TMEM132D: variants seen among roughly 807,000 people sequenced by gnomAD.
The protein encoded by TMEM132D is transmembrane protein 132D.
A neutral mutation model predicts 62.3 loss-of-function variants in TMEM132D; 21 were observed. The ratio of observed to expected loss-of-function variants is 0.34; its 90% CI spans 0.24 to 0.49. The LOEUF is 0.49. Ranked by LOEUF, TMEM132D falls within the 20% of genes least tolerant of loss-of-function variation. TMEM132D has a pLI of 0.99. For synonymous variants in TMEM132D, 621 were observed against 575.6 expected (o/e 1.08, Z -1.13); for missense variants, 1,346 against 1,402.8 (o/e 0.96, Z 0.65).
intron 5 of TMEM132D, among the ~76,000 whole-genome samples, chr12:129,207,387 C>A (rs928218877): frequency 1.3e-5 from 2 of 151,692 alleles, no homozygotes; most frequent in African/African-American, 4.9e-5. Context: ...TATAGTGTAT[C>A]TGTGAATACA....
intron 5 of TMEM132D, among the ~76,000 whole-genome samples, chr12:129,172,709 G>A (rs1221553200): frequency 6.6e-6 from 1 of 152,166 alleles, no homozygotes; most frequent in African/African-American, 2.4e-5. Context: ...CTCCTGAGTA[G>A]CTGGGATTAC....
intron 3 of TMEM132D, among the ~76,000 whole-genome samples, chr12:129,455,828 A>G (rs2135729291): frequency 6.6e-6 from 1 of 152,362 alleles, no homozygotes; most frequent in East Asian, 1.9e-4. Context: ...TCTAATAAAA[A>G]GGAGGTTAAA....
chr12:129,391,047 T>A (rs912255891), intron 3 of TMEM132D, among the ~76,000 whole-genome samples: 1 of 152,236 alleles, frequency 6.6e-6, no homozygotes, highest in African/African-American at 2.4e-5. Flanking sequence ...TTCATTCTTA[T>A]AACTATTGAA....
intron 2 of TMEM132D, among the ~76,000 whole-genome samples, chr12:129,656,064 A>G (rs1031843522): frequency 2.0e-5 from 3 of 152,218 alleles, no homozygotes; most frequent in Non-Finnish European, 4.4e-5. Flanking sequence ...TTCCCATTCT[A>G]TAATTAGAGT....
intron 4 of TMEM132D, among the ~76,000 whole-genome samples, chr12:129,229,549 T>C (rs927071639): frequency 1.3e-5 from 2 of 152,118 alleles, no homozygotes; most frequent in African/African-American, 4.8e-5. Context: ...TACAGAAAAA[T>C]GCATGTCAAA....
intron 5 of TMEM132D, among the ~76,000 whole-genome samples, chr12:129,131,676 C>T (rs1051308038): frequency 6.6e-6 from 1 of 152,046 alleles, no homozygotes; most frequent in African/African-American, 2.4e-5. Flanking sequence ...ATCCAGCATG[C>T]TCAAGATTGT....
chr12:129,136,751 C>CA (rs1231096883), intron 5 of TMEM132D, among the ~76,000 whole-genome samples: 1 of 137,292 alleles, frequency 7.3e-6, no homozygotes, highest in African/African-American at 2.7e-5. Context: ...TCATCACCAC[C>CA]TCCACCATCA....
rs61141755 is a variant in TMEM132D at position 129,899,304 on chromosome 12, C to CATGGATGG, written c.79+3949_79+3956dup. 1.3e-3 allele frequency among the ~76,000 whole-genome samples: 163 copies of CATGGATGG among 125,274 alleles called. 1 individual carries two copies. Among genetic ancestry groups the CATGGATGG allele is most frequent in the Non-Finnish European group, 1.5e-3 (91 of 61,016 alleles). The allele number at this position is 125,274 out of a possible 152,430, so 82.2% of individuals were successfully genotyped here. ...GCATGGATGGATGGATGGATGCATG[C>CATGGATGG]ATGGATGGATGGATGGATGGATGGA... On this transcript the variant is annotated intron_variant, in intron 1 of 8. Coordinates refer to ENST00000422113, the MANE Select transcript of TMEM132D (RefSeq NM_133448.3).
chr12:129,781,007 G>A (rs941865847), intron 1 of TMEM132D, among the ~76,000 whole-genome samples: 7 of 152,170 alleles, frequency 4.6e-5, no homozygotes, highest in African/African-American at 1.4e-4. Context: ...CCTGCTGGGG[G>A]GTGACAGCAG....
At chr12:129,106,763 C>T (rs1366319141) in intron 5 of TMEM132D, among the ~76,000 whole-genome samples, 1 of 152,144 alleles carries the variant, frequency 6.6e-6, no homozygotes, top group East Asian at 1.9e-4. Context: ...TGGGTGTCAC[C>T]TCTGATTGGA....
intron 2 of TMEM132D, among the ~76,000 whole-genome samples, chr12:129,535,316 A>G (rs1876350652): frequency 6.6e-6 from 1 of 152,202 alleles, no homozygotes; most frequent in South Asian, 2.1e-4. Flanking sequence ...CCTGACTGCA[A>G]GAGCAGCGAG....
intron 1 of TMEM132D, among the ~76,000 whole-genome samples, chr12:129,778,950 G>C (rs1386026230): frequency 6.6e-6 from 1 of 152,182 alleles, no homozygotes; most frequent in African/African-American, 2.4e-5. Flanking sequence ...GAGCAAAACG[G>C]AACAGCAGCT....
chr12:129,486,419 G>A (rs554262139), intron 3 of TMEM132D, among the ~76,000 whole-genome samples: 42 of 152,168 alleles, frequency 2.8e-4, no homozygotes, highest in South Asian at 1.5e-3. Flanking sequence ...TACATGTCAC[G>A]GGTGGGCCTG....
intron 4 of TMEM132D, among the ~76,000 whole-genome samples, chr12:129,232,301 C>G (rs1298022637): frequency 2.0e-5 from 3 of 152,136 alleles, no homozygotes; most frequent in South Asian, 4.1e-4. Flanking sequence ...AGACATGGTT[C>G]AAGACATGTG....
At chr12:129,823,734 A>G (rs968316125) in intron 1 of TMEM132D, among the ~76,000 whole-genome samples, 6 of 152,238 alleles carry the variant, frequency 3.9e-5, no homozygotes, top group African/African-American at 1.4e-4. Flanking sequence ...TTGCGGCTCT[A>G]TCACTTGCTA....
intron 1 of TMEM132D, among the ~76,000 whole-genome samples, chr12:129,817,268 G>A (rs1459369795): frequency 1.3e-5 from 2 of 152,150 alleles, no homozygotes; most frequent in East Asian, 1.9e-4. Flanking sequence ...GGGCTTTTCC[G>A]TAGCTGTGCA....
Position 129,399,263 on chromosome 12 carries a change from G to C in TMEM132D, c.1116-61446C>G, listed in dbSNP as rs940256973. Among the ~76,000 whole-genome samples the C allele has an allele frequency of 7.8e-5, 10 of 128,780 alleles. No individual in the cohort carries two copies. In the South Asian group the frequency reaches 1.3e-3, roughly 17 times the overall value. 84.5% of individuals were successfully genotyped at this position (128,780 alleles called of 152,430 possible). A position where few individuals can be genotyped will look rare whatever the true frequency, so the allele number is the denominator to read the frequency against. On this transcript the variant is annotated intron_variant, in intron 3 of 8. Coordinates refer to ENST00000422113, the MANE Select transcript of TMEM132D (RefSeq NM_133448.3). ...TTCCCATGACAACCAACCCACTCCT[G>C]CAATAGCTAACCCACTCCAGTGATA...
chr12:129,902,794 C>T (rs1875403934), intron 1 of TMEM132D, among the ~76,000 whole-genome samples: 1 of 152,092 alleles, frequency 6.6e-6, no homozygotes, highest in Admixed American at 6.5e-5. Context: ...AATAGTATTC[C>T]CATACAACAG....
At chr12:129,148,769 C>A (rs1285458132) in intron 5 of TMEM132D, among the ~76,000 whole-genome samples, 1 of 152,234 alleles carries the variant, frequency 6.6e-6, no homozygotes, top group Non-Finnish European at 1.5e-5. Flanking sequence ...CAGCTGCATG[C>A]CAGGGCTGGT....
Sources: gnomAD v4.1 joint callset for allele counts (sites outside exome capture counted in the v4.1 genomes callset) on GRCh38, gnomAD v4.1.1 for gene constraint, MANE v1.5 for transcripts, NCBI Gene and HGNC (gene_info 2026-07-23, HGNC 2026-07-21) for gene names.